DSCAM: variants seen among roughly 807,000 people sequenced by gnomAD.
DSCAM encodes the protein cell adhesion molecule DSCAM.
Under a neutral mutation model 217.7 loss-of-function variants are expected in DSCAM, and 47 were observed. The observed-to-expected ratio is 0.22, with a 90% CI of 0.17 to 0.28. The LOEUF is 0.28. DSCAM is among the 10% of genes least tolerant of loss of function. The pLI is 1.00. For missense variants in DSCAM, 2,080 were observed against 2,618.3 expected, an observed-to-expected ratio of 0.79 and a Z score of 4.49; for synonymous variants, 1,056 against 1,015.3, an observed-to-expected ratio of 1.04 and a Z score of -0.76.
At chr21:40,397,326 C>T (rs1298573521) in intron 3 of DSCAM, among the ~76,000 whole-genome samples, 4 of 151,804 alleles carry the variant, frequency 2.6e-5, no homozygotes, top group Non-Finnish European at 4.4e-5. Flanking sequence ...TCCTTGGTGA[C>T]GAGTGTGCTC....
intron 1 of DSCAM, among the ~76,000 whole-genome samples, chr21:40,766,419 C>A (rs2091389983): frequency 6.6e-6 from 1 of 152,002 alleles, no homozygotes; most frequent in African/African-American, 2.4e-5. Context: ...GGGAAGATGA[C>A]ACATAACTAA....
intron 1 of DSCAM, among the ~76,000 whole-genome samples, chr21:40,757,449 G>A (rs889604907): frequency 2.0e-5 from 3 of 152,176 alleles, no homozygotes; most frequent in South Asian, 2.1e-4. Context: ...CCTGTGCAAC[G>A]TGACTTGGCT....
chr21:40,477,617 T>A (rs1453533923), intron 3 of DSCAM, among the ~76,000 whole-genome samples: 1 of 152,190 alleles, frequency 6.6e-6, no homozygotes, highest in African/African-American at 2.4e-5. Context: ...AAGAAAGTGA[T>A]AAAACCCATA....
At chr21:40,014,430 C>G (rs527912259) in intron 32 of DSCAM, among the ~76,000 whole-genome samples, 3 of 152,064 alleles carry the variant, frequency 2.0e-5, no homozygotes, top group Admixed American at 6.6e-5. Context: ...AAACCCAAAC[C>G]AAAACAAAAA....
At chr21:40,381,883 T>C (rs984721353) in intron 3 of DSCAM, among the ~76,000 whole-genome samples, 3 of 152,246 alleles carry the variant, frequency 2.0e-5, no homozygotes, top group African/African-American at 4.8e-5. Flanking sequence ...ATAGTGGTGA[T>C]AAATATTCTG....
intron 20 of DSCAM, among the ~76,000 whole-genome samples, chr21:40,109,148 A>G (rs1475937647): frequency 1.3e-5 from 2 of 152,256 alleles, no homozygotes; most frequent in Non-Finnish European, 2.9e-5. Flanking sequence ...AAAAATGGAC[A>G]AATGGGATCA....
intron 3 of DSCAM, among the ~76,000 whole-genome samples, chr21:40,596,059 GC>G (rs984519214): frequency 6.6e-6 from 1 of 152,192 alleles, no homozygotes; most frequent in African/African-American, 2.4e-5. Flanking sequence ...ACTAGGACCA[GC>G]CTGTTTTCTC....
intron 5 of DSCAM, among the ~76,000 whole-genome samples, chr21:40,352,395 CT>C (rs1356963104): frequency 6.6e-6 from 1 of 152,148 alleles, no homozygotes; most frequent in African/African-American, 2.4e-5. Context: ...TCATCCATTT[CT>C]TTCTAATCCC....
intron 3 of DSCAM, among the ~76,000 whole-genome samples, chr21:40,476,109 A>G (rs1005496871): frequency 6.6e-6 from 1 of 152,124 alleles, no homozygotes; most frequent in Middle Eastern, 3.4e-3. Context: ...GAGGGTCCCC[A>G]TTTGGGTGCT....
At chr21:40,568,094 C>T (rs1039968484) in intron 3 of DSCAM, among the ~76,000 whole-genome samples, 4 of 152,052 alleles carry the variant, frequency 2.6e-5, no homozygotes, top group East Asian at 1.9e-4. Flanking sequence ...ATTTCTGATA[C>T]GTAAACTATG....
intron 20 of DSCAM, among the ~76,000 whole-genome samples, chr21:40,097,036 A>G (rs1266769894): frequency 6.6e-6 from 1 of 152,202 alleles, no homozygotes; most frequent in Non-Finnish European, 1.5e-5. Flanking sequence ...GAAATGTTAA[A>G]GAAAGTCCTT....
intron 3 of DSCAM, among the ~76,000 whole-genome samples, chr21:40,663,524 T>C (rs1164998210): frequency 6.6e-6 from 1 of 152,098 alleles, no homozygotes; most frequent in Non-Finnish European, 1.5e-5. Context: ...AGCACTTGGG[T>C]TTTCCTTTGA....
intron 3 of DSCAM, among the ~76,000 whole-genome samples, chr21:40,569,766 T>C (rs2076792185): frequency 6.6e-6 from 1 of 152,230 alleles, no homozygotes; most frequent in South Asian, 2.1e-4. Context: ...AAATTAGAAA[T>C]GACTTCTTTA....
At chr21:40,626,853 T>C (rs1272330136) in intron 3 of DSCAM, among the ~76,000 whole-genome samples, 2 of 152,180 alleles carry the variant, frequency 1.3e-5, no homozygotes, top group Non-Finnish European at 2.9e-5. Context: ...ACAGAAGAAA[T>C]AAAACTTCTC....
chr21:40,796,352 G>A (rs2123482534), intron 1 of DSCAM, among the ~76,000 whole-genome samples: 1 of 152,322 alleles, frequency 6.6e-6, no homozygotes, highest in South Asian at 2.1e-4. Flanking sequence ...TGTCTTTAAA[G>A]TGGTTCCCAG....
intron 21 of DSCAM, among the ~76,000 whole-genome samples, chr21:40,093,025 T>C (rs1316256237): frequency 2.0e-5 from 3 of 152,200 alleles, no homozygotes; most frequent in Non-Finnish European, 2.9e-5. Context: ...AAGTTGCCAC[T>C]GTTCTATAAC....
At chr21:40,385,708 GT>G (rs2075077647) in intron 3 of DSCAM, among the ~76,000 whole-genome samples, 1 of 152,186 alleles carries the variant, frequency 6.6e-6, no homozygotes, top group South Asian at 2.1e-4. Context: ...CAGACAGGCT[GT>G]GTGCCACCTG....
intron 4 of DSCAM, among the ~76,000 whole-genome samples, chr21:40,356,257 A>G (rs558710897): frequency 9.2e-5 from 14 of 152,268 alleles, no homozygotes; most frequent in Non-Finnish European, 1.8e-4. Context: ...AGTTAATAAC[A>G]CTATCTTACA....
intron 11 of DSCAM, among the ~76,000 whole-genome samples, chr21:40,210,904 TG>T (rs1192890563): frequency 6.6e-6 from 1 of 152,148 alleles, no homozygotes; most frequent in Non-Finnish European, 1.5e-5. Flanking sequence ...GCTCTGTAGG[TG>T]TATACTTCCG....
Sources: allele counts gnomAD v4.1 joint callset (sites outside exome capture counted in the v4.1 genomes callset), GRCh38; gene constraint gnomAD v4.1.1; transcripts MANE v1.5; gene names NCBI Gene and HGNC (gene_info 2026-07-23, HGNC 2026-07-21).